Variants in ARHGAP23 observed in about 807,000 individuals in gnomAD.
The protein encoded by ARHGAP23 is rho GTPase-activating protein 23.
In ARHGAP23, 34 loss-of-function variants were observed where a neutral mutation model predicts 136.3. The observed-to-expected ratio is 0.25, with a 90% CI of 0.19 to 0.33. The LOEUF (loss-of-function observed/expected upper bound fraction) is 0.33, where lower values mean the gene tolerates loss of function less well. Among genes scored for constraint, ARHGAP23 ranks in the 10% least tolerant of loss-of-function variants. ARHGAP23 has a pLI of 1.00. For missense variants in ARHGAP23, 1,808 were observed against 2,139.0 expected (o/e 0.85, Z 3.05); for synonymous variants, 832 against 920.5 (o/e 0.90, Z 1.74).
chr17:38,466,159 C>G lies in ARHGAP23; in HGVS notation c.484-8C>G, dbSNP rs2039586725. On this transcript the variant is annotated splice_polypyrimidine_tract_variant and splice_region_variant and intron_variant, in intron 6 of 23. Coordinates refer to ENST00000622683, the MANE Select transcript of ARHGAP23 (RefSeq NM_001199417.2). ...GCCCTGCTTACCTGTCTCTGTGTCT[C>G]TGGCCAGGCCTACTCCCAGGATGCC... The G allele has an allele frequency of 6.8e-7, 1 of 1,473,796 alleles. No individual in the cohort carries two copies. Among genetic ancestry groups the G allele is most frequent in the Admixed American group, 2.2e-5 (1 of 45,294 alleles). The allele number at this position is 1,473,796 out of a possible 1,614,324, so 91.3% of individuals were successfully genotyped here. A position where few individuals can be genotyped will look rare whatever the true frequency, so the allele number is the denominator to read the frequency against.
chr17:38,465,795 G>T (rs781147875), intron 6 of ARHGAP23, among the ~76,000 whole-genome samples: 1 of 147,684 alleles, frequency 6.8e-6, no homozygotes, highest in South Asian at 2.2e-4. Context: ...GGGGTTTTCC[G>T]GCTCCACCCG....
At chr17:38,488,699 C>T (rs1336248475) in intron 17 of ARHGAP23, among the ~76,000 whole-genome samples, 2 of 152,020 alleles carry the variant, frequency 1.3e-5, no homozygotes, top group Admixed American at 6.6e-5. Flanking sequence ...CAGGTGCCCA[C>T]CATCATGCCC....
At chr17:38,426,550 C>CAAAAAAAAAAAAAAAAAA (rs751365956), upstream of ARHGAP23, among the ~76,000 whole-genome samples, 466 of 51,152 alleles carry the variant, frequency 9.1e-3, 31 homozygotes, top group East Asian at 0.023. Flanking sequence ...AACTCCATCT[C>CAAAAAAAAAAAAAAAAAA]AAAAAAAAAA....
chr17:38,424,311 C>CA (rs1275537420), upstream of ARHGAP23, among the ~76,000 whole-genome samples: 1 of 151,844 alleles, frequency 6.6e-6, no homozygotes, highest in African/African-American at 2.4e-5. Flanking sequence ...CTTCCCCACC[C>CA]AAACAGACAC....
chr17:38,488,374 T>A (rs958305751), intron 17 of ARHGAP23, among the ~76,000 whole-genome samples: 2 of 152,256 alleles, frequency 1.3e-5, no homozygotes, highest in Admixed American at 6.5e-5. Context: ...TCAGACCATG[T>A]GCCCATTTTT....
intron 7 of ARHGAP23, among the ~76,000 whole-genome samples, 178 bp from the exon 8 acceptor site, chr17:38,468,966 A>G (rs914674560): frequency 5.3e-5 from 8 of 152,118 alleles, no homozygotes; most frequent in Middle Eastern, 3.2e-3. Flanking sequence ...TAAGGATTCC[A>G]TGGCCACAGT....
intron 20 of ARHGAP23, among the ~76,000 whole-genome samples, chr17:38,496,726 G>A (rs2040400186): frequency 6.6e-6 from 1 of 152,094 alleles, no homozygotes; most frequent in Admixed American, 6.5e-5. Context: ...GGTGGAGGTG[G>A]GCGGATCACT....
At chr17:38,449,934 C>T (rs1031697309) in intron 1 of ARHGAP23, among the ~76,000 whole-genome samples, 1 of 152,198 alleles carries the variant, frequency 6.6e-6, no homozygotes, top group African/African-American at 2.4e-5. Flanking sequence ...CCTTCTTGCT[C>T]CTATCTCTGA....
chr17:38,449,980 A>G (rs1451833604), intron 1 of ARHGAP23, among the ~76,000 whole-genome samples: 1 of 152,166 alleles, frequency 6.6e-6, no homozygotes, highest in African/African-American at 2.4e-5. Context: ...CCCCTTCCCC[A>G]GTGCCTACTT....
chr17:38,510,470 G>C lies in ARHGAP23; in HGVS notation c.3974G>C (p.Arg1325Pro). The change falls in exon 24 of 24, where the codon CGG becomes CCG. Residue 1325 changes from arginine (R) to proline (P), a missense_variant. This residue lies in a region of ARHGAP23 where 506 missense variants were observed against 455.8 expected (regional missense o/e 1.11). Coordinates refer to ENST00000622683, the MANE Select transcript of ARHGAP23 (RefSeq NM_001199417.2). The surrounding 1 kb of genome is among the most constrained non-coding windows in gnomAD (Gnocchi z 4.6). ...ACTCTGGCGCGCCGCCGCCTGGCCC[G>C]GGGCCGCCCAGACGGCGAGGGCGCG... ...CDTLARRRLA[R>P]GRPDGEGAGR... 1 of 1,200,018 alleles carries C rather than the reference G, an allele frequency of 8.3e-7. No individual in the cohort carries two copies. Among genetic ancestry groups the C allele is most frequent in the Non-Finnish European group, 1.0e-6 (1 of 968,224 alleles). 74.3% of individuals were successfully genotyped at this position (1,200,018 alleles called of 1,614,324 possible).
At chr17:38,478,898 C>G (rs1157087853) in intron 12 of ARHGAP23, among the ~76,000 whole-genome samples, 2 of 152,186 alleles carry the variant, frequency 1.3e-5, no homozygotes, top group Non-Finnish European at 1.5e-5. Flanking sequence ...CCTGGGCCTG[C>G]TGTGGCCGTG....
intron 17 of ARHGAP23, among the ~76,000 whole-genome samples, chr17:38,486,596 G>A (rs544558278): frequency 7.0e-6 from 1 of 143,880 alleles, no homozygotes; most frequent in African/African-American, 2.6e-5. Flanking sequence ...TTGTACAGAT[G>A]TGAATGAAGA....
chr17:38,508,672 G>A (rs2040686487), intron 23 of ARHGAP23, among the ~76,000 whole-genome samples: 1 of 152,206 alleles, frequency 6.6e-6, no homozygotes, highest in Non-Finnish European at 1.5e-5. Context: ...GCCGGAGGAG[G>A]AGGAGGAGTT....
intron 1 of ARHGAP23, among the ~76,000 whole-genome samples, chr17:38,443,443 G>A (rs752591713): frequency 4.6e-5 from 7 of 152,258 alleles, no homozygotes; most frequent in East Asian, 1.9e-4. Flanking sequence ...AGGGGGAGGC[G>A]GGAGGAGGAT....
chr17:38,510,526 C>T lies in ARHGAP23; in HGVS notation c.4030C>T (p.Pro1344Ser). 8.7e-7 allele frequency: 1 copy of T among 1,148,746 alleles called. No homozygotes were observed. Among genetic ancestry groups the T allele is most frequent in the Non-Finnish European group, 1.1e-6 (1 of 937,298 alleles). The allele number at this position is 1,148,746 out of a possible 1,614,324, so 71.2% of individuals were successfully genotyped here. Residue 1344 changes from proline (P) to serine (S), a missense_variant, in exon 24 of 24, where the codon CCC becomes TCC. Coordinates refer to ENST00000622683, the MANE Select transcript of ARHGAP23 (RefSeq NM_001199417.2). This position sits in a 1 kb window ranked among gnomAD's most constrained non-coding sequence, Gnocchi z 4.6. ...GGGCGGTCCCCGCGCCCCGGAGCCGCCCGGCTCGGCGTCGTCCAGCAGCCA... is the reference window on the plus strand; with the variant it reads ...GGGCGGTCCCCGCGCCCCGGAGCCGTCCGGCTCGGCGTCGTCCAGCAGCCA... ...GRGGPRAPEP[P>S]GSASSSSQES...
At chr17:38,509,894 A>G in intron 23 of ARHGAP23, 50 bp from the exon 24 acceptor site, 1 of 1,221,020 alleles carries the variant, frequency 8.2e-7, no homozygotes. Flanking sequence ...CGGGGTCGGC[A>G]GGGGGCCGAG....
chr17:38,466,583 G>T lies in ARHGAP23; in HGVS notation c.900G>T (p.Ala300=), dbSNP rs1461922805. Residue 300 remains alanine, a synonymous_variant, in exon 7 of 24, where the codon GCG becomes GCT. Coordinates refer to ENST00000622683, the MANE Select transcript of ARHGAP23 (RefSeq NM_001199417.2). ...HWLSNQVPRR[A]GERRCPAMAP... is the part of the protein sequence containing the mutation. ...TGTCAAACCAGGTACCCCGCCGGGCGGGGGAGAGACGGTGCCCAGCCATGG... is the reference window on the plus strand; with the variant it reads ...TGTCAAACCAGGTACCCCGCCGGGCTGGGGAGAGACGGTGCCCAGCCATGG... The T allele has an allele frequency of 6.0e-6, 9 of 1,504,858 alleles. No individual in the cohort carries two copies. The highest frequency in any genetic ancestry group is 1.8e-4 in the Middle Eastern group (1 of 5,706). 93.2% of individuals were successfully genotyped at this position (1,504,858 alleles called of 1,614,324 possible). A position where few individuals can be genotyped will look rare whatever the true frequency, so the allele number is the denominator to read the frequency against.
intron 14 of ARHGAP23, among the ~76,000 whole-genome samples, chr17:38,480,907 A>T (rs2040023729): frequency 1.3e-5 from 2 of 151,260 alleles, no homozygotes; most frequent in South Asian, 4.2e-4. Context: ...CTGAGGCTGG[A>T]GGATTGCTTG....
At chr17:38,456,233 AC>A (rs1466741614) in intron 1 of ARHGAP23, among the ~76,000 whole-genome samples, 6 of 152,054 alleles carry the variant, frequency 3.9e-5, no homozygotes, top group Non-Finnish European at 4.4e-5. Context: ...TCTTCCCCAG[AC>A]CTGCTCGACA....
Sources: gnomAD v4.1 joint callset for allele counts (sites outside exome capture counted in the v4.1 genomes callset) on GRCh38, gnomAD v4.1.1 for gene constraint, gnomAD v4.1.1 regional missense constraint, Gnocchi (gnomAD v3.1) non-coding constraint, MANE v1.5 for transcripts, NCBI Gene and HGNC (gene_info 2026-07-23, HGNC 2026-07-21) for gene names.